The following RAB38 variants were observed in gnomAD, a reference collection of about 807,000 sequenced individuals.
RAB38 encodes the protein ras-related protein Rab-38.
Under a neutral mutation model 18.4 loss-of-function variants are expected in RAB38, and 15 were observed. The observed-to-expected ratio is 0.82, with a 90% CI of 0.55 to 1.26. The LOEUF is 1.26. Ranked by LOEUF, RAB38 falls within the 50% of genes most tolerant of loss-of-function variation. The pLI is 0.00. For synonymous variants in RAB38, 101 were observed against 104.4 expected (o/e 0.97, Z 0.20); for missense variants, 294 against 267.4 (o/e 1.10, Z -0.69).
the RAB38 span, among the ~76,000 whole-genome samples, chr11:87,863,568 C>T: frequency 7.3e-6 from 1 of 137,338 alleles, no homozygotes; most frequent in South Asian, 2.2e-4. Flanking sequence ...GAAGGCAGGA[C>T]TCTGTTTGGC....
the RAB38 span, among the ~76,000 whole-genome samples, chr11:87,938,373 G>A: frequency 6.6e-6 from 1 of 151,944 alleles, no homozygotes; most frequent in Non-Finnish European, 1.5e-5. Context: ...AGGGGAAGTG[G>A]AAGACTCACC....
the RAB38 span, among the ~76,000 whole-genome samples, chr11:87,862,529 G>A: frequency 5.9e-5 from 9 of 151,788 alleles, no homozygotes; most frequent in African/African-American, 2.2e-4. Flanking sequence ...GTGGGAGGAG[G>A]GAGAGGATCA....
At chr11:87,848,786 C>T in the RAB38 span, among the ~76,000 whole-genome samples, 30 of 152,066 alleles carry the variant, frequency 2.0e-4, no homozygotes, top group Non-Finnish European at 2.5e-4. Context: ...AAAGCTGAGA[C>T]TTAATTAACA....
the RAB38 span, among the ~76,000 whole-genome samples, chr11:87,930,399 G>T: frequency 5.3e-5 from 8 of 151,454 alleles, no homozygotes; most frequent in Admixed American, 1.3e-4. Flanking sequence ...TTCGCCCACT[G>T]GTTGATGGGG....
the RAB38 span, chr11:88,097,960 C>G: frequency 6.6e-6 from 1 of 151,908 alleles, no homozygotes; most frequent in South Asian, 2.1e-4. Flanking sequence ...TCATGCTTCT[C>G]TTCTTTCCAA....
chr11:87,816,622 ACT>A, the RAB38 span: 2 of 150,992 alleles, frequency 1.3e-5, no homozygotes, highest in Admixed American at 6.6e-5. Flanking sequence ...GTGGTAAAAA[ACT>A]CTCTCTATAT....
chr11:88,120,771 C>T (rs1942618752), intron 2 of RAB38, among the ~76,000 whole-genome samples: 2 of 152,090 alleles, frequency 1.3e-5, no homozygotes, highest in Admixed American at 1.3e-4. Flanking sequence ...CTTTCTGTAG[C>T]TCTAGAGCCT....
downstream of RAB38, among the ~76,000 whole-genome samples, chr11:88,108,422 CA>C (rs1942429006): frequency 6.6e-6 from 1 of 152,128 alleles, no homozygotes; most frequent in African/African-American, 2.4e-5. Context: ...TCTGTTTTAT[CA>C]GACACTAGGA....
chr11:88,021,485 A>G, the RAB38 span, among the ~76,000 whole-genome samples: 2 of 152,082 alleles, frequency 1.3e-5, no homozygotes, highest in Admixed American at 6.5e-5. Context: ...CATTGGCTTC[A>G]CTGCTGAATT....
chr11:87,934,209 T>C, the RAB38 span, among the ~76,000 whole-genome samples: 1 of 152,116 alleles, frequency 6.6e-6, no homozygotes, highest in Non-Finnish European at 1.5e-5. Context: ...GCCTGTGTGC[T>C]TGAAACAGAC....
the RAB38 span, among the ~76,000 whole-genome samples, chr11:87,975,328 A>C: frequency 1.4e-3 from 207 of 152,074 alleles, 4 homozygotes; most frequent in Admixed American, 0.012. Context: ...ACAATCCAGA[A>C]TTCTACATTC....
At chr11:88,141,568 T>C (rs1942913446) in intron 2 of RAB38, among the ~76,000 whole-genome samples, 1 of 152,218 alleles carries the variant, frequency 6.6e-6, no homozygotes, top group South Asian at 2.1e-4. Context: ...AATATGGTCA[T>C]CCTTTGATTT....
At chr11:88,068,724 C>T in the RAB38 span, among the ~76,000 whole-genome samples, 2 of 152,224 alleles carry the variant, frequency 1.3e-5, no homozygotes, top group African/African-American at 2.4e-5. Context: ...TAAACTATTG[C>T]TGTTTGTGCA....
chr11:88,027,170 A>T, the RAB38 span, among the ~76,000 whole-genome samples: 1 of 152,254 alleles, frequency 6.6e-6, no homozygotes, highest in East Asian at 1.9e-4. Flanking sequence ...AGTTTTTTTT[A>T]AATTGTGGTG....
chr11:88,163,644 G>C (rs1943213406), intron 1 of RAB38, among the ~76,000 whole-genome samples: 1 of 152,088 alleles, frequency 6.6e-6, no homozygotes, highest in Non-Finnish European at 1.5e-5. Context: ...GGCATAAAAG[G>C]TAAATATTGA....
the RAB38 span, among the ~76,000 whole-genome samples, chr11:87,902,719 A>C: frequency 0.061 from 9,299 of 151,356 alleles, 376 homozygotes; most frequent in Non-Finnish European, 0.09. Flanking sequence ...TTTTCAGTGT[A>C]CTTGTATCTA....
the RAB38 span, among the ~76,000 whole-genome samples, chr11:88,071,334 T>C: frequency 6.6e-6 from 1 of 151,986 alleles, no homozygotes; most frequent in South Asian, 2.1e-4. Context: ...CTGCCTATGA[T>C]GTACGGTGGA....
the RAB38 span, among the ~76,000 whole-genome samples, chr11:88,074,618 G>T: frequency 1.3e-5 from 2 of 152,012 alleles, no homozygotes; most frequent in Non-Finnish European, 2.9e-5. Flanking sequence ...GACCACAAAG[G>T]ATGACAGTAA....
chr11:87,969,117 T>A, the RAB38 span, among the ~76,000 whole-genome samples: 2 of 152,288 alleles, frequency 1.3e-5, no homozygotes, highest in African/African-American at 2.4e-5. Context: ...TTGACATGAG[T>A]CTTGGGGGAC....
Sources: gnomAD v4.1 joint callset for allele counts (sites outside exome capture counted in the v4.1 genomes callset) on GRCh38, gnomAD v4.1.1 for gene constraint, MANE v1.5 for transcripts, NCBI Gene and HGNC (gene_info 2026-07-23, HGNC 2026-07-21) for gene names.